The following GFRA1 variants were observed in gnomAD, a reference collection of about 807,000 sequenced individuals.
GFRA1 encodes GDNF family receptor alpha-1.
In GFRA1, 16 loss-of-function variants were observed where a neutral mutation model predicts 51.6. The observed-to-expected ratio is 0.31, with a 90% CI of 0.21 to 0.47. The LOEUF is 0.47. GFRA1 is among the 20% of genes least tolerant of loss of function. The pLI, the probability that GFRA1 is intolerant of heterozygous loss-of-function variation, is 1.00. For synonymous variants in GFRA1, 270 were observed against 241.3 expected (o/e 1.12, Z -1.10); for missense variants, 530 against 594.3 (o/e 0.89, Z 1.13).
chr10:116,162,000 C>T (rs528368686), intron 5 of GFRA1, among the ~76,000 whole-genome samples: 1 of 152,336 alleles, frequency 6.6e-6, no homozygotes, highest in African/African-American at 2.4e-5. Flanking sequence ...TAATAACCCC[C>T]TTGCTGAGAA....
At chr10:116,206,372 A>C (rs1008089775) in intron 5 of GFRA1, among the ~76,000 whole-genome samples, 2 of 152,174 alleles carry the variant, frequency 1.3e-5, no homozygotes, top group African/African-American at 2.4e-5. Context: ...AGTTTGACCC[A>C]TAAGTTTGAA....
Position 116,260,078 on chromosome 10 carries a change from C to T in GFRA1, c.418+9425G>A, listed in dbSNP as rs545023824. Among the ~76,000 whole-genome samples the T allele has an allele frequency of 2.0e-5, 3 of 152,326 alleles. No homozygotes were observed. The East Asian group carries it at 5.8e-4, about 29-fold the overall frequency. On this transcript the variant is annotated intron_variant, in intron 4 of 10. Transcript: ENST00000355422. ...GGGATAGGCAGAGTTCCAAAGGGAA[C>T]TGCAGTTTGACCAAAAATAGGTCAC... is the stretch of plus-strand genomic sequence containing the variant.
chr10:116,114,313 TCTTA>T (rs1340874274), intron 6 of GFRA1, among the ~76,000 whole-genome samples: 1 of 152,196 alleles, frequency 6.6e-6, no homozygotes, highest in East Asian at 1.9e-4. Context: ...TCTGCTCACA[TCTTA>T]CTGTGTATCT....
intron 5 of GFRA1, among the ~76,000 whole-genome samples, chr10:116,130,062 A>T (rs1427634073): frequency 6.6e-6 from 1 of 150,996 alleles, no homozygotes; most frequent in Admixed American, 6.6e-5. Flanking sequence ...AAATAATTTT[A>T]TTTACAGCAC....
intron 6 of GFRA1, among the ~76,000 whole-genome samples, chr10:116,115,609 C>A (rs976948539): frequency 1.3e-5 from 2 of 152,174 alleles, no homozygotes; most frequent in African/African-American, 2.4e-5. Context: ...GATTTCCCCA[C>A]GCGAAGATGA....
At chr10:116,274,175 A>T (rs1200179120), upstream of GFRA1, among the ~76,000 whole-genome samples, 2 of 104,866 alleles carry the variant, frequency 1.9e-5, no homozygotes, top group South Asian at 3.4e-4. Context: ...CCCGCCCCCC[A>T]CGCCTGACAC....
chr10:116,088,920 CAAAAAAAAAAAAAAAAAAAA>C (rs58590152), intron 9 of GFRA1, among the ~76,000 whole-genome samples: 1 of 49,012 alleles, frequency 2.0e-5, no homozygotes, highest in South Asian at 1.4e-3. Context: ...GACTCTGTCT[CAAAAAAAAAAAAAAAAAAAA>C]AAAAAAAAAG....
chr10:116,123,679 C>G (rs1167322358), intron 6 of GFRA1, among the ~76,000 whole-genome samples: 2 of 152,134 alleles, frequency 1.3e-5, no homozygotes, highest in Non-Finnish European at 2.9e-5. Flanking sequence ...ACTGGCTTAG[C>G]ATATATTGAG....
chr10:116,254,873 A>G (rs534946916), intron 4 of GFRA1, among the ~76,000 whole-genome samples: 2 of 152,180 alleles, frequency 1.3e-5, no homozygotes, highest in Non-Finnish European at 2.9e-5. Context: ...CCAAACCCCA[A>G]AGGAAGTCGT....
chr10:116,136,806 C>T (rs549244061), intron 5 of GFRA1, among the ~76,000 whole-genome samples: 11 of 152,018 alleles, frequency 7.2e-5, no homozygotes, highest in African/African-American at 2.4e-4. Flanking sequence ...GAGGATGGGA[C>T]TTTAAAAGCC....
chr10:116,150,710 C>T (rs4556460), intron 5 of GFRA1, among the ~76,000 whole-genome samples: 149,639 of 152,322 alleles, frequency 0.98, 73,556 homozygotes, highest in East Asian at 1. Flanking sequence ...GGAATTTCCA[C>T]TTACAAAATA....
chr10:116,189,372 C>T (rs1286406316), intron 5 of GFRA1, among the ~76,000 whole-genome samples: 1 of 152,124 alleles, frequency 6.6e-6, no homozygotes, highest in Non-Finnish European at 1.5e-5. Flanking sequence ...AGTAACGTCC[C>T]CTGAGCCCCA....
At chr10:116,147,530 A>AC (rs1430364377) in intron 5 of GFRA1, among the ~76,000 whole-genome samples, 4 of 140,658 alleles carry the variant, frequency 2.8e-5, no homozygotes, top group Non-Finnish European at 6.2e-5. Context: ...ATCAAGAAAA[A>AC]AGAAAGTGCT....
At chr10:116,145,792 T>C (rs929253729) in intron 5 of GFRA1, among the ~76,000 whole-genome samples, 21 of 152,152 alleles carry the variant, frequency 1.4e-4, no homozygotes, top group Admixed American at 3.3e-4. Context: ...GTCGCTATTA[T>C]AACCCAAATG....
chr10:116,201,020 T>G (rs1045456167), intron 5 of GFRA1, among the ~76,000 whole-genome samples: 1 of 152,234 alleles, frequency 6.6e-6, no homozygotes, highest in African/African-American at 2.4e-5. Flanking sequence ...CAGTGCATGC[T>G]ATTTCTCTGC....
intron 5 of GFRA1, among the ~76,000 whole-genome samples, chr10:116,168,018 G>T (rs1051319888): frequency 2.0e-5 from 3 of 152,076 alleles, no homozygotes; most frequent in African/African-American, 7.2e-5. Flanking sequence ...CGTGATGACT[G>T]CACTAAAATC....
chr10:116,184,963 C>T (rs1329297363), intron 5 of GFRA1, among the ~76,000 whole-genome samples: 1 of 152,168 alleles, frequency 6.6e-6, no homozygotes. Flanking sequence ...TCCAGCACCT[C>T]TGTTCCTCAA....
intron 4 of GFRA1, among the ~76,000 whole-genome samples, chr10:116,267,827 G>A (rs1969783552): frequency 6.6e-6 from 1 of 152,130 alleles, no homozygotes; most frequent in African/African-American, 2.4e-5. Flanking sequence ...GGGACAGAAA[G>A]CACTAGAAGT....
chr10:116,132,384 T>C (rs1457958292), intron 5 of GFRA1, among the ~76,000 whole-genome samples: 3 of 148,686 alleles, frequency 2.0e-5, no homozygotes, highest in Non-Finnish European at 4.5e-5. Context: ...CAGATGTGAA[T>C]ATGGAATCCA....
Sources: gnomAD v4.1 joint callset for allele counts (sites outside exome capture counted in the v4.1 genomes callset) on GRCh38, gnomAD v4.1.1 for gene constraint, MANE v1.5 for transcripts, NCBI Gene and HGNC (gene_info 2026-07-23, HGNC 2026-07-21) for gene names.